The following AUTS2 variants were observed in gnomAD, a reference collection of about 807,000 sequenced individuals.
AUTS2 encodes the protein autism susceptibility gene 2 protein.
Under a neutral mutation model 112.4 loss-of-function variants are expected in AUTS2, and 17 were observed. The ratio of observed to expected loss-of-function variants is 0.15; its 90% CI spans 0.10 to 0.23. The LOEUF (loss-of-function observed/expected upper bound fraction) is 0.23, where lower values mean the gene tolerates loss of function less well. Ranked by LOEUF, AUTS2 falls within the 10% of genes least tolerant of loss-of-function variation. AUTS2 has a pLI of 1.00. For synonymous variants in AUTS2, 751 were observed against 702.7 expected (o/e 1.07, Z -1.09); for missense variants, 1,510 against 1,701.6 (o/e 0.89, Z 1.98).
chr7:70,392,108 C>T (rs1221919162), intron 4 of AUTS2, among the ~76,000 whole-genome samples: 1 of 152,144 alleles, frequency 6.6e-6, no homozygotes, highest in Non-Finnish European at 1.5e-5. Flanking sequence ...CTATGCTAAC[C>T]ATGTTAAAAA....
intron 3 of AUTS2, 108 bp downstream of exon 3, chr7:70,118,341 A>C: frequency 7.7e-7 from 1 of 1,295,274 alleles, no homozygotes; most frequent in South Asian, 2.0e-5. Flanking sequence ...TCATCTTTAG[A>C]ACTTTTTGTC....
chr7:70,790,655 G>C lies in AUTS2; in HGVS notation c.3439G>C (p.Gly1147Arg). The C allele has an allele frequency of 6.2e-7, 1 of 1,613,282 alleles. No individual in the cohort carries two copies. The highest frequency in any genetic ancestry group is 1.1e-5 in the South Asian group (1 of 91,050). Residue 1147 changes from glycine (G) to arginine (R), a missense_variant, in exon 19 of 19, where the codon GGC becomes CGC. By Grantham distance (125) the Gly-to-Arg change is moderately radical. Coordinates refer to ENST00000342771, the MANE Select transcript of AUTS2 (RefSeq NM_015570.4). The surrounding 1 kb of genome is among the most constrained non-coding windows in gnomAD (Gnocchi z 7.6). ...VDPRREHERG[G>R]HLDERERLHM... is the part of the protein sequence containing the mutation. ...CCCTCGGCGGGAGCACGAGCGGGGA[G>C]GCCACCTGGACGAGCGGGAGCGCTT...
intron 8 of AUTS2, among the ~76,000 whole-genome samples, chr7:70,765,249 T>C (rs1238030885): frequency 6.6e-6 from 1 of 152,124 alleles, no homozygotes; most frequent in Non-Finnish European, 1.5e-5. Flanking sequence ...TGTTTGGAGT[T>C]AGGAGGCATT....
At chr7:70,681,693 G>T (rs991693346) in intron 5 of AUTS2, among the ~76,000 whole-genome samples, 1 of 152,074 alleles carries the variant, frequency 6.6e-6, no homozygotes, top group African/African-American at 2.4e-5. Context: ...AGCTGAGGAA[G>T]TGTTAAGTGA....
At chr7:70,529,016 C>T (rs959970374) in intron 5 of AUTS2, among the ~76,000 whole-genome samples, 2 of 152,062 alleles carry the variant, frequency 1.3e-5, no homozygotes, top group Non-Finnish European at 2.9e-5. Flanking sequence ...TGTACTAACC[C>T]AAGGAGACAT....
chr7:70,341,318 G>C (rs1040132398), intron 4 of AUTS2, among the ~76,000 whole-genome samples: 13 of 152,330 alleles, frequency 8.5e-5, no homozygotes, highest in Middle Eastern at 6.8e-3. Context: ...TGAGAAGGTT[G>C]CACTGAAAAA....
At chr7:70,432,616 C>A (rs1795721264) in intron 4 of AUTS2, among the ~76,000 whole-genome samples, 1 of 152,184 alleles carries the variant, frequency 6.6e-6, no homozygotes, top group African/African-American at 2.4e-5. Context: ...GTGGAATAGA[C>A]CTCTTGTATG....
intron 4 of AUTS2, among the ~76,000 whole-genome samples, chr7:70,342,013 T>C (rs1585037096): frequency 6.6e-6 from 1 of 152,336 alleles, no homozygotes; most frequent in East Asian, 1.9e-4. Context: ...TGAAACATAC[T>C]GCACATTAGA....
intron 1 of AUTS2, among the ~76,000 whole-genome samples, chr7:69,734,978 T>A (rs920380554): frequency 6.6e-6 from 1 of 152,224 alleles, no homozygotes; most frequent in Non-Finnish European, 1.5e-5. Flanking sequence ...TCAGTAGTTC[T>A]GGAATAGGTT....
At chr7:70,245,019 C>T (rs1812821363) in intron 4 of AUTS2, among the ~76,000 whole-genome samples, 1 of 150,582 alleles carries the variant, frequency 6.6e-6, no homozygotes, top group Non-Finnish European at 1.5e-5. Context: ...ACTTGGGAGG[C>T]TGAGGCAGGA....
At chr7:70,417,868 C>T (rs746563242) in intron 4 of AUTS2, among the ~76,000 whole-genome samples, 2 of 152,170 alleles carry the variant, frequency 1.3e-5, no homozygotes, top group African/African-American at 2.4e-5. Context: ...GCCTATGCTC[C>T]TGTTCTCTCA....
chr7:70,523,116 G>T (rs1386114010), intron 5 of AUTS2, among the ~76,000 whole-genome samples: 1 of 152,182 alleles, frequency 6.6e-6, no homozygotes, highest in Non-Finnish European at 1.5e-5. Context: ...TGCAATAACA[G>T]ATTTTTTATG....
At chr7:70,122,865 C>CTTTTTTT (rs11297258) in intron 3 of AUTS2, among the ~76,000 whole-genome samples, 3 of 93,082 alleles carry the variant, frequency 3.2e-5, no homozygotes, top group African/African-American at 8.3e-5. Flanking sequence ...GAGATGAAAG[C>CTTTTTTT]TTTTTTTTTT....
At chr7:70,618,710 G>T (rs1026008497) in intron 5 of AUTS2, among the ~76,000 whole-genome samples, 1 of 101,064 alleles carries the variant, frequency 9.9e-6, no homozygotes, top group African/African-American at 4.1e-5. Context: ...AATGCCTTTG[G>T]CAGGGGACAG....
chr7:70,047,407 C>T (rs958015607), intron 2 of AUTS2, among the ~76,000 whole-genome samples: 1 of 152,166 alleles, frequency 6.6e-6, no homozygotes, highest in African/African-American at 2.4e-5. Flanking sequence ...TATTAAATAG[C>T]AATTGCAGAG....
chr7:69,651,138 C>A (rs538665261), intron 1 of AUTS2, among the ~76,000 whole-genome samples: 4 of 152,136 alleles, frequency 2.6e-5, no homozygotes, highest in Admixed American at 1.3e-4. Context: ...CTAGTAGTGT[C>A]GTGAGGACTG....
chr7:70,660,861 C>T (rs1467814703), intron 5 of AUTS2, among the ~76,000 whole-genome samples: 1 of 152,122 alleles, frequency 6.6e-6, no homozygotes, highest in East Asian at 1.9e-4. Flanking sequence ...AGGGACCTAA[C>T]GTGCATACTA....
intron 5 of AUTS2, among the ~76,000 whole-genome samples, chr7:70,590,376 C>T (rs1170702534): frequency 6.6e-6 from 1 of 152,104 alleles, no homozygotes; most frequent in African/African-American, 2.4e-5. Context: ...GAACTCAGAT[C>T]TTTCTGACTC....
At position 69,604,171 on chromosome 7, in the gene AUTS2, C is replaced by T. The variant is rs573906121; in HGVS notation, c.309+4209C>T. ...CAAGACTTTGATGCGGTCTTCACTT[C>T]CTGGCTCTGTTTTCAGGGCTTCCCC... On this transcript the variant is annotated intron_variant, in intron 1 of 18. Transcript: ENST00000342771. Among the ~76,000 whole-genome samples the T allele has an allele frequency of 2.6e-5, 4 of 152,308 alleles. No individual in the cohort carries two copies. The South Asian group carries it at 6.2e-4, about 24-fold the overall frequency.
Sources: gnomAD v4.1 joint callset for allele counts (sites outside exome capture counted in the v4.1 genomes callset) on GRCh38, gnomAD v4.1.1 for gene constraint, Gnocchi (gnomAD v3.1) non-coding constraint, MANE v1.5 for transcripts, NCBI Gene and HGNC (gene_info 2026-07-23, HGNC 2026-07-21) for gene names.